Variants in THSD7B observed in about 807,000 individuals in gnomAD.
THSD7B encodes the protein thrombospondin type 1 domain containing 7B.
THSD7B carries 138 observed loss-of-function variants against 213.6 expected under a neutral mutation model. That is an observed-to-expected ratio of 0.65 (90% CI 0.56 to 0.74). The LOEUF is 0.74. THSD7B is among the 30% of genes least tolerant of loss of function. The pLI, the probability that THSD7B is intolerant of heterozygous loss-of-function variation, is 0.00. For synonymous variants in THSD7B, 742 were observed against 687.0 expected (o/e 1.08, Z -1.25); for missense variants, 1,931 against 1,991.5 (o/e 0.97, Z 0.58).
chr2:137,282,092 C>T lies in THSD7B; in HGVS notation c.2500+6066C>T, dbSNP rs1683036222. Among the ~76,000 whole-genome samples, 11 of 152,118 alleles carry T rather than the reference C, an allele frequency of 7.2e-5. No individual in the cohort carries two copies. In the South Asian group the frequency reaches 2.3e-3, roughly 32 times the overall value. On this transcript the variant is annotated intron_variant, in intron 12 of 27. Coordinates refer to ENST00000409968, the MANE Select transcript of THSD7B (RefSeq NM_001316349.2). ...TGTTTCCTGACTTTTTAATGATCGCCATTCTAACTGGTGTGAGATGGTATC... is the reference window on the plus strand; with the variant it reads ...TGTTTCCTGACTTTTTAATGATCGCTATTCTAACTGGTGTGAGATGGTATC...
chr2:137,228,229 A>AACTAT (rs1681556181), intron 7 of THSD7B, among the ~76,000 whole-genome samples: 1 of 151,728 alleles, frequency 6.6e-6, no homozygotes, highest in South Asian at 2.1e-4. Flanking sequence ...TGCTTCCCTA[A>AACTAT]AGTTCTGATC....
chr2:137,655,614 C>G lies in THSD7B; in HGVS notation c.4059C>G (p.Pro1353=). Residue 1353 remains proline (P), a synonymous_variant, in exon 22 of 28, where the codon CCC becomes CCG. Coordinates refer to ENST00000409968, the MANE Select transcript of THSD7B (RefSeq NM_001316349.2). ...AGGATGCACTGTGTGGAGAAATGCC[C>G]TTTCAGGACAGCATCCTGAAGCAGC... ...RVEDALCGEM[P]FQDSILKQLC... The G allele has an allele frequency of 6.2e-7, 1 of 1,613,070 alleles. No individual in the cohort carries two copies. Among genetic ancestry groups the G allele is most frequent in the Non-Finnish European group, 8.5e-7 (1 of 1,179,596 alleles).
rs1022370278 is a variant in THSD7B, at chr2:137,370,747, G to A, written c.2501-34866G>A. Among the ~76,000 whole-genome samples, 4 of 152,092 alleles carry A rather than the reference G, an allele frequency of 2.6e-5. No individual in the cohort carries two copies. The South Asian group carries it at 8.3e-4, about 32-fold the overall frequency. ...GCCTCCCAAAATGCTGGAATTACAT[G>A]TGTGAGCCACCGTGCCCAGCCCTTA... On this transcript the variant is annotated intron_variant, in intron 12 of 27. Coordinates refer to ENST00000409968, the MANE Select transcript of THSD7B (RefSeq NM_001316349.2).
chr2:137,540,353 A>G (rs191665820), intron 15 of THSD7B, among the ~76,000 whole-genome samples: 158 of 151,834 alleles, frequency 1.0e-3, no homozygotes, highest in Non-Finnish European at 1.7e-3. Context: ...GTTTGCCACA[A>G]TCTGGAGAGC....
intron 7 of THSD7B, among the ~76,000 whole-genome samples, chr2:137,194,697 A>C (rs1241161134): frequency 1.3e-5 from 2 of 152,130 alleles, no homozygotes; most frequent in Non-Finnish European, 2.9e-5. Flanking sequence ...TATTGTAAAT[A>C]ATGTTTTCTC....
At chr2:136,991,515 G>T (rs1297727927) in intron 2 of THSD7B, among the ~76,000 whole-genome samples, 1 of 152,076 alleles carries the variant, frequency 6.6e-6, no homozygotes, top group Non-Finnish European at 1.5e-5. Flanking sequence ...TGGAGAGGGG[G>T]ACATCTTCTC....
intron 1 of THSD7B, among the ~76,000 whole-genome samples, chr2:136,840,124 AT>A (rs1426847456): frequency 6.6e-6 from 1 of 152,200 alleles, no homozygotes; most frequent in African/African-American, 2.4e-5. Context: ...CACACCTGTA[AT>A]CCCAGCACTT....
At chr2:137,619,555 A>C (rs1682474214) in intron 19 of THSD7B, among the ~76,000 whole-genome samples, 1 of 152,242 alleles carries the variant, frequency 6.6e-6, no homozygotes, top group African/African-American at 2.4e-5. Flanking sequence ...TTATTTAATC[A>C]GCCTCTAAAG....
At chr2:137,117,263 A>T (rs1688461554) in intron 5 of THSD7B, among the ~76,000 whole-genome samples, 1 of 152,146 alleles carries the variant, frequency 6.6e-6, no homozygotes, top group African/African-American at 2.4e-5. Flanking sequence ...TCATTTATAG[A>T]TGTACCTTGA....
At chr2:137,397,299 G>C (rs937422494) in intron 12 of THSD7B, among the ~76,000 whole-genome samples, 6 of 152,090 alleles carry the variant, frequency 3.9e-5, no homozygotes, top group African/African-American at 7.2e-5. Context: ...GCAGCGGCTG[G>C]TACCGGTTGT....
In THSD7B at chr2:137,656,825, T is replaced by C; in HGVS notation, c.4135T>C (p.Trp1379Arg). The C allele has an allele frequency of 6.2e-7, 1 of 1,613,888 alleles. No individual in the cohort carries two copies. Among genetic ancestry groups the C allele is most frequent in the Non-Finnish European group, 8.5e-7 (1 of 1,179,868 alleles). ...GDCHLTEWSE[W>R]STCELTCIDG... ...CTGCCATTTAACAGAATGGTCAGAG[T>C]GGAGCACATGTGAATTAACCTGCAT... is the stretch of plus-strand genomic sequence containing the variant. Residue 1379 changes from tryptophan to arginine, a missense_variant, in exon 23 of 28, where the codon TGG becomes CGG. By Grantham distance (101) the Trp-to-Arg change is moderately radical. Transcript: ENST00000409968.
intron 2 of THSD7B, among the ~76,000 whole-genome samples, chr2:136,892,909 T>G (rs1411647624): frequency 6.6e-6 from 1 of 152,174 alleles, no homozygotes; most frequent in Non-Finnish European, 1.5e-5. Context: ...CGCTTAGAGC[T>G]CCTACATTTA....
At chr2:137,171,647 T>C (rs1680254808) in intron 7 of THSD7B, among the ~76,000 whole-genome samples, 1 of 152,220 alleles carries the variant, frequency 6.6e-6, no homozygotes, top group Non-Finnish European at 1.5e-5. Flanking sequence ...GTATATTTAT[T>C]AATCAGCTCT....
intron 3 of THSD7B, among the ~76,000 whole-genome samples, chr2:137,076,359 G>T (rs889508344): frequency 2.6e-5 from 4 of 152,212 alleles, no homozygotes; most frequent in Non-Finnish European, 5.9e-5. Context: ...AGCAATAAGC[G>T]AGACTCTGTT....
At chr2:136,996,438 C>G (rs1192054857) in intron 2 of THSD7B, among the ~76,000 whole-genome samples, 1 of 151,962 alleles carries the variant, frequency 6.6e-6, no homozygotes, top group Non-Finnish European at 1.5e-5. Context: ...AACCCCCAGG[C>G]TCAGGCAATC....
intron 12 of THSD7B, among the ~76,000 whole-genome samples, chr2:137,368,405 A>T (rs1027670986): frequency 3.2e-4 from 49 of 151,954 alleles, no homozygotes; most frequent in African/African-American, 1.1e-3. Context: ...ATTTTTTTCA[A>T]GTCTTTTGGT....
At chr2:137,100,493 C>T (rs937728389) in intron 4 of THSD7B, among the ~76,000 whole-genome samples, 29 of 152,058 alleles carry the variant, frequency 1.9e-4, no homozygotes, top group Middle Eastern at 3.4e-3. Flanking sequence ...GCCCAGAACA[C>T]GACAATCGTG....
chr2:137,278,133 A>G (rs1203683061), intron 12 of THSD7B, among the ~76,000 whole-genome samples: 4 of 152,098 alleles, frequency 2.6e-5, no homozygotes, highest in African/African-American at 9.7e-5. Flanking sequence ...TAAGAGTTGA[A>G]GGATAGAGAA....
chr2:137,573,619 T>C (rs536506765), intron 17 of THSD7B, among the ~76,000 whole-genome samples: 16 of 152,244 alleles, frequency 1.1e-4, no homozygotes, highest in South Asian at 1.0e-3. Context: ...GTGTGTAACC[T>C]GAATATAATG....
Sources: allele counts gnomAD v4.1 joint callset (sites outside exome capture counted in the v4.1 genomes callset), GRCh38; gene constraint gnomAD v4.1.1; transcripts MANE v1.5; gene names NCBI Gene and HGNC (gene_info 2026-07-23, HGNC 2026-07-21).